The following KAZN variants were observed in gnomAD, a reference collection of about 807,000 sequenced individuals.
KAZN encodes the protein kazrin.
Under a neutral mutation model 87.4 loss-of-function variants are expected in KAZN, and 40 were observed. The observed-to-expected ratio is 0.46, with a 90% CI of 0.36 to 0.60. The LOEUF is 0.60. KAZN is among the 20% of genes least tolerant of loss of function. The probability of loss-of-function intolerance (pLI) is 0.00; values close to 1 mark genes in which losing one functional copy is unlikely to be tolerated. For missense variants in KAZN, 898 were observed against 1,073.9 expected (o/e 0.84, Z 2.29); for synonymous variants, 466 against 458.3 (o/e 1.02, Z -0.22).
At chr1:14,909,513 T>C (rs2101369756) in intron 1 of KAZN, among the ~76,000 whole-genome samples, 1 of 152,276 alleles carries the variant, frequency 6.6e-6, no homozygotes, top group East Asian at 1.9e-4. Context: ...GCCTCCAGAG[T>C]TAGGCCGTTT....
At chr1:14,162,496 G>A (rs1645728622) in intron 1 of KAZN, among the ~76,000 whole-genome samples, 1 of 151,442 alleles carries the variant, frequency 6.6e-6, no homozygotes, top group Non-Finnish European at 1.5e-5. Flanking sequence ...TAAGGCCACA[G>A]CAAAAGATTT....
At position 14,769,277 on chromosome 1, in the gene KAZN, C is replaced by T. The variant is rs10803317; in HGVS notation, c.226+170054C>T. Among the ~76,000 whole-genome samples the T allele has an allele frequency of 0.7, 106,237 of 152,046 alleles. 38,109 individuals carry two copies. Among genetic ancestry groups the T allele is most frequent in the Middle Eastern group, 0.84 (247 of 294 alleles). ...ATCAATGTCACCCCCATCTGAATTGCAGAACCACGTTATTGGCTTTTGGAA... is the reference window on the plus strand; with the variant it reads ...ATCAATGTCACCCCCATCTGAATTGTAGAACCACGTTATTGGCTTTTGGAA... On this transcript the variant is annotated intron_variant, in intron 1 of 14. Coordinates refer to ENST00000376030, the MANE Select transcript of KAZN (RefSeq NM_201628.3). The surrounding 1 kb of genome is among the most constrained non-coding windows in gnomAD (Gnocchi z 4.1).
intron 2 of KAZN, among the ~76,000 whole-genome samples, chr1:14,319,200 G>A (rs1396838537): frequency 6.6e-6 from 1 of 151,694 alleles, no homozygotes; most frequent in African/African-American, 2.4e-5. Context: ...TGTTCTGGGG[G>A]GTGGCAGTTA....
chr1:15,022,167 A>ATG (rs1459524390), intron 2 of KAZN, among the ~76,000 whole-genome samples: 1 of 151,986 alleles, frequency 6.6e-6, no homozygotes, highest in African/African-American at 2.4e-5. Context: ...GGCTCTCCAG[A>ATG]TGGCCAGGAC....
At chr1:13,913,018 T>C (rs752303536) in intron 1 of KAZN, among the ~76,000 whole-genome samples, 6 of 152,218 alleles carry the variant, frequency 3.9e-5, no homozygotes, top group Non-Finnish European at 7.3e-5. Context: ...AAGATTGGCT[T>C]AGATGAAATT....
intron 1 of KAZN, among the ~76,000 whole-genome samples, chr1:14,766,659 C>G (rs1046806816): frequency 3.4e-5 from 5 of 148,440 alleles, no homozygotes; most frequent in African/African-American, 1.2e-4. Context: ...ATGCTGAGGG[C>G]CAGTCCTCCC....
intron 1 of KAZN, among the ~76,000 whole-genome samples, chr1:14,009,945 T>C (rs1640213031): frequency 6.6e-6 from 1 of 152,094 alleles, no homozygotes; most frequent in Non-Finnish European, 1.5e-5. Context: ...GTTTCCTTAA[T>C]GGCCAGAAAC....
At chr1:14,581,421 G>C (rs987042271) in intron 2 of KAZN, among the ~76,000 whole-genome samples, 1 of 151,852 alleles carries the variant, frequency 6.6e-6, no homozygotes, top group Non-Finnish European at 1.5e-5. Flanking sequence ...TCTACCTCTC[G>C]ACTCCATCAC....
Position 15,112,476 on chromosome 1 carries a change from G to T in KAZN, c.2098G>T (p.Ala700Ser). The change falls in exon 14 of 15, where the codon GCC (alanine) becomes TCC (serine). Residue 700 changes from alanine to serine, a missense_variant. Around this residue, in one of 3 missense-constraint regions of KAZN, gnomAD observed 127 missense variants for 121.5 expected, o/e 1.04. Coordinates refer to ENST00000376030, the MANE Select transcript of KAZN (RefSeq NM_201628.3). ...GCGTTTTGGAACGCCCCCTGGCAGG[G>T]CCTCCAGCGTCACGCGGGCAGGAAA... ...AERFGTPPGR[A>S]SSVTRAGKEE... 3 of 1,608,978 alleles carry T rather than the reference G, an allele frequency of 1.9e-6. No individual in the cohort carries two copies. The highest frequency in any genetic ancestry group is 1.3e-5 in the African/African-American group (1 of 74,998).
intron 1 of KAZN, among the ~76,000 whole-genome samples, chr1:13,894,147 C>G (rs1340272528): frequency 6.6e-6 from 1 of 152,104 alleles, no homozygotes; most frequent in African/African-American, 2.4e-5. Flanking sequence ...GTCAGCTTGC[C>G]TCTCTCTGCT....
Position 14,391,403 on chromosome 1 carries a change from C to G in KAZN, c.250-207580C>G, listed in dbSNP as rs61539836. The G allele has an allele frequency of 3.3e-5, 5 of 152,438 alleles. No homozygotes were observed. In the East Asian group the frequency reaches 7.7e-4, roughly 24 times the overall value. The allele number at this position is 152,438 out of a possible 1,614,324, so 9.4% of individuals were successfully genotyped here. Reference sequence around the variant, plus strand: ...TTCCCCAGGGTCACATACACAACTGCCTGCTCAACCTCACCCCTGGGATAT... The same window carrying G: ...TTCCCCAGGGTCACATACACAACTGGCTGCTCAACCTCACCCCTGGGATAT... On this transcript the variant is annotated intron_variant, in intron 2 of 16. Transcript: ENST00000636203.
intron 1 of KAZN, among the ~76,000 whole-genome samples, chr1:14,135,569 C>T (rs779492453): frequency 2.0e-5 from 3 of 152,138 alleles, no homozygotes; most frequent in Admixed American, 6.5e-5. Context: ...GTATCTCGAA[C>T]GGCAAAGGTT....
chr1:14,546,211 C>T (rs966213723), intron 2 of KAZN, among the ~76,000 whole-genome samples: 22 of 152,198 alleles, frequency 1.4e-4, no homozygotes, highest in African/African-American at 3.9e-4. Flanking sequence ...TTTCCAACTA[C>T]GATATTCTCT....
intron 13 of KAZN, among the ~76,000 whole-genome samples, chr1:15,110,023 T>C (rs1031866690): frequency 4.0e-5 from 5 of 126,312 alleles, no homozygotes; most frequent in African/African-American, 5.9e-5. Context: ...TATGTGTAGA[T>C]GGTGTTTGTG....
chr1:14,065,549 C>T (rs1412845504), intron 1 of KAZN, among the ~76,000 whole-genome samples: 1 of 147,690 alleles, frequency 6.8e-6, no homozygotes, highest in African/African-American at 2.5e-5. Context: ...AATCTTGGGC[C>T]AAATCAGAAA....
At chr1:14,123,038 A>T (rs1387090342) in intron 1 of KAZN, among the ~76,000 whole-genome samples, 1 of 152,218 alleles carries the variant, frequency 6.6e-6, no homozygotes, top group East Asian at 1.9e-4. Flanking sequence ...TCCAGAAAAG[A>T]TGTAAAAATT....
intron 1 of KAZN, among the ~76,000 whole-genome samples, chr1:13,913,633 A>G (rs536176279): frequency 2.6e-5 from 4 of 152,114 alleles, no homozygotes; most frequent in African/African-American, 7.2e-5. Flanking sequence ...AGATAAAGCC[A>G]TGTTATTGCA....
chr1:15,020,739 G>A (rs577287028), intron 2 of KAZN, among the ~76,000 whole-genome samples: 8 of 152,268 alleles, frequency 5.3e-5, no homozygotes, highest in East Asian at 1.9e-4. Context: ...GAACTTTTTC[G>A]TGCAGGTGAA....
At chr1:14,217,813 T>C (rs1356321119) in intron 2 of KAZN, among the ~76,000 whole-genome samples, 1 of 152,070 alleles carries the variant, frequency 6.6e-6, no homozygotes, top group East Asian at 1.9e-4. Flanking sequence ...TCAAATCACT[T>C]ATAATAGACA....
Sources: allele counts gnomAD v4.1 joint callset (sites outside exome capture counted in the v4.1 genomes callset), GRCh38; gene constraint gnomAD v4.1.1; regional missense constraint gnomAD v4.1.1; non-coding constraint Gnocchi (gnomAD v3.1); transcripts MANE v1.5; gene names NCBI Gene and HGNC (gene_info 2026-07-23, HGNC 2026-07-21).